TTLL6: variants seen among roughly 807,000 people sequenced by gnomAD.
The protein encoded by TTLL6 is tubulin tyrosine ligase like 6.
TTLL6 carries 75 observed loss-of-function variants against 96.4 expected under a neutral mutation model. That is an observed-to-expected ratio of 0.78 (90% CI 0.65 to 0.94). The LOEUF is 0.94. Among genes scored for constraint, TTLL6 ranks in the 40% least tolerant of loss-of-function variants. TTLL6 has a pLI of 0.00. For missense variants in TTLL6, 1,030 were observed against 1,093.0 expected, an observed-to-expected ratio of 0.94 and a Z score of 0.81; for synonymous variants, 411 against 419.4, an observed-to-expected ratio of 0.98 and a Z score of 0.24.
At chr17:48,772,746 A>G (rs1177533337) in intron 13 of TTLL6, among the ~76,000 whole-genome samples, 1 of 151,802 alleles carries the variant, frequency 6.6e-6, no homozygotes, top group Non-Finnish European at 1.5e-5. Flanking sequence ...AAAAAAAAAA[A>G]ATTAAAAGAA....
chr17:48,816,994 G>T lies in TTLL6; in HGVS notation c.79C>A (p.Arg27=), dbSNP rs201192910. The T allele has an allele frequency of 6.5e-7, 1 of 1,539,748 alleles. No homozygotes were observed. Among genetic ancestry groups the T allele is most frequent in the Non-Finnish European group, 8.7e-7 (1 of 1,144,400 alleles). The change falls in exon 1 of 16, where the codon CGA becomes AGA. Residue 27 remains arginine (R), a synonymous_variant. Transcript: ENST00000393382. ...VASWTSSPAG[R]DGGVGIAGAW... is the part of the protein sequence containing the mutation. ...CCCGCAATTCCTACTCCCCCGTCTCGCCCCGCTGGGCTGCTAGTCCAGCTT... is the reference window on the plus strand; with the variant it reads ...CCCGCAATTCCTACTCCCCCGTCTCTCCCCGCTGGGCTGCTAGTCCAGCTT...
intron 4 of TTLL6, 32 bp downstream of exon 4, chr17:48,801,493 C>A: frequency 4.5e-6 from 7 of 1,551,324 alleles, no homozygotes; most frequent in Non-Finnish European, 6.1e-6. Context: ...AGATGGCACA[C>A]TTAAACCAAG....
At position 48,785,221 on chromosome 17, in the gene TTLL6, C is replaced by T; in HGVS notation, c.1762-20G>A. On this transcript the variant is annotated intron_variant, in intron 12 of 15. Coordinates refer to ENST00000393382, the MANE Select transcript of TTLL6 (RefSeq NM_001130918.3). ...GATGTACTGAGGGAGGAAGAAACCA[C>T]AACACACAGCCATGGGAACCCAGCT... The T allele has an allele frequency of 5.0e-6, 8 of 1,613,894 alleles. No individual in the cohort carries two copies. The highest frequency in any genetic ancestry group is 5.9e-6 in the Non-Finnish European group (7 of 1,179,986).
At chr17:48,801,210 T>C in intron 5 of TTLL6, 45 bp downstream of exon 5, 1 of 1,520,384 alleles carries the variant, frequency 6.6e-7, no homozygotes, top group Non-Finnish European at 8.9e-7. Context: ...GAAATGTAAA[T>C]GGGGAGGGGA....
chr17:48,813,171 C>A (rs1369372102), intron 1 of TTLL6, among the ~76,000 whole-genome samples: 1 of 152,184 alleles, frequency 6.6e-6, no homozygotes, highest in Non-Finnish European at 1.5e-5. Flanking sequence ...GCCTTTTCCT[C>A]TCGGCAGGCC....
intron 13 of TTLL6, among the ~76,000 whole-genome samples, chr17:48,776,446 C>T (rs183940289): frequency 2.1e-4 from 32 of 152,138 alleles, no homozygotes; most frequent in Admixed American, 1.2e-3. Context: ...GGTGACAGAG[C>T]GAGACTCTGT....
Position 48,790,970 on chromosome 17 carries a change from C to G in TTLL6, c.1224+408G>C, listed in dbSNP as rs553401308. On this transcript the variant is annotated intron_variant, in intron 9 of 15. Coordinates refer to ENST00000393382, the MANE Select transcript of TTLL6 (RefSeq NM_001130918.3). ...CGGTGGCAGCAGGCCCCAGGACGCT[C>G]TCTGCTGGTGTGTGTGAACTGAGTA... is the stretch of plus-strand genomic sequence containing the variant. Among the ~76,000 whole-genome samples, 15 of 152,260 alleles carry G rather than the reference C, an allele frequency of 9.9e-5. No homozygotes were observed. In the South Asian group the frequency reaches 3.1e-3, roughly 32 times the overall value.
chr17:48,769,991 G>A lies in TTLL6; in HGVS notation c.2147C>T (p.Pro716Leu), dbSNP rs2038705262. ...AVTASSEYSG[P>L]ETDRVVSFKC... ...AAAGGATACCACCCTGTCCGTCTCT[G>A]GGCCACTGTACTCAGAGCTGGCGGT... Residue 716 changes from proline (P) to leucine (L), a missense_variant, in exon 14 of 16, where the codon CCA becomes CTA. Transcript: ENST00000393382. 6.2e-7 allele frequency: 1 copy of A among 1,614,008 alleles called. No individual in the cohort carries two copies. The highest frequency in any genetic ancestry group is 1.3e-5 in the African/African-American group (1 of 74,882).
At chr17:48,810,821 GTGTGTATATATATATATA>G (rs1567738260) in intron 1 of TTLL6, among the ~76,000 whole-genome samples, 16 of 51,610 alleles carry the variant, frequency 3.1e-4, no homozygotes, top group African/African-American at 1.5e-3. Flanking sequence ...TATAGTATGT[GTGTGTATATATATATATA>G]TATATATATA....
At chr17:48,790,236 G>T (rs967776675) in intron 9 of TTLL6, 130 bp from the exon 10 acceptor site, 59 of 949,860 alleles carry the variant, frequency 6.2e-5, no homozygotes, top group Non-Finnish European at 8.9e-5. Context: ...TGAAAGGGAG[G>T]GGAGAGAGCA....
chr17:48,783,199 A>T (rs2039021243), intron 13 of TTLL6, among the ~76,000 whole-genome samples: 1 of 152,088 alleles, frequency 6.6e-6, no homozygotes, highest in African/African-American at 2.4e-5. Flanking sequence ...GGCTATGGTG[A>T]AAAATTTTGA....
intron 1 of TTLL6, among the ~76,000 whole-genome samples, chr17:48,807,836 GTTTTGT>G: frequency 6.6e-6 from 1 of 151,596 alleles, no homozygotes; most frequent in African/African-American, 2.4e-5. Context: ...TGTTTGTTTT[GTTTTGT>G]TTTTGTTTTT....
At chr17:48,783,320 AAC>A (rs1297735649) in intron 13 of TTLL6, among the ~76,000 whole-genome samples, 2 of 152,158 alleles carry the variant, frequency 1.3e-5, no homozygotes, top group Non-Finnish European at 2.9e-5. Flanking sequence ...CAGTGGGAGG[AAC>A]ACAAAGAGAT....
intron 5 of TTLL6, among the ~76,000 whole-genome samples, 157 bp downstream of exon 5, chr17:48,801,098 C>A (rs1003236941): frequency 3.9e-5 from 6 of 152,190 alleles, no homozygotes; most frequent in African/African-American, 9.7e-5. Flanking sequence ...GTTTTCTCAA[C>A]CTTGGACACA....
At chr17:48,787,738 A>G in intron 11 of TTLL6, 73 bp downstream of exon 11, 2 of 1,460,820 alleles carry the variant, frequency 1.4e-6, no homozygotes, top group Non-Finnish European at 1.9e-6. Flanking sequence ...CTGCCACTCC[A>G]GGCCAGTCAG....
chr17:48,785,081 A>C lies in TTLL6; in HGVS notation c.1882T>G (p.Ser628Ala). ...GCAGACGTCAGCTTGGGGAAAACAG[A>C]GCTGGCCTCCTCCGTGGGAGCCTCC... is the stretch of plus-strand genomic sequence containing the variant. ...NQEAPTEEAS[S>A]VFPKLTSAKP... The change falls in exon 13 of 16, where the codon TCT (serine) becomes GCT (alanine). Residue 628 changes from serine (S) to alanine (A), a missense_variant. Ser to Ala is a moderately conservative substitution (Grantham distance 99, BLOSUM62 1). Coordinates refer to ENST00000393382, the MANE Select transcript of TTLL6 (RefSeq NM_001130918.3). 6.2e-7 allele frequency: 1 copy of C among 1,614,112 alleles called. No individual in the cohort carries two copies. The highest frequency in any genetic ancestry group is 8.5e-7 in the Non-Finnish European group (1 of 1,180,008).
At chr17:48,798,396 G>A (rs920599749) in intron 6 of TTLL6, among the ~76,000 whole-genome samples, 3 of 152,018 alleles carry the variant, frequency 2.0e-5, no homozygotes, top group South Asian at 2.1e-4. Context: ...GTGAAACCCC[G>A]TCTCTACTAA....
At position 48,804,924 on chromosome 17, in the gene TTLL6, G is replaced by T. The variant is rs2039483771; in HGVS notation, c.171C>A (p.Ser57Arg). 6.5e-7 allele frequency: 1 copy of T among 1,549,188 alleles called. No homozygotes were observed. Among genetic ancestry groups the T allele is most frequent in the Non-Finnish European group, 8.7e-7 (1 of 1,144,680 alleles). ...REMPQCPTLE[S>R]QEGENSEEKG... The stretch of plus-strand genomic sequence containing the variant: ...TCTCTTCGGAGTTTTCCCCTTCCTG[G>T]CTTTCCAAAGTCGGGCACTGTGGCA... The change falls in exon 2 of 16, where the codon AGC becomes AGA. Residue 57 changes from serine to arginine, a missense_variant. Coordinates refer to ENST00000393382, the MANE Select transcript of TTLL6 (RefSeq NM_001130918.3).
At chr17:48,784,816 G>T in intron 13 of TTLL6, 107 bp downstream of exon 13, 1 of 880,604 alleles carries the variant, frequency 1.1e-6, no homozygotes, top group Non-Finnish European at 1.8e-6. Flanking sequence ...CCAAGGCCCA[G>T]GGAGGCTCAG....
Sources: gnomAD v4.1 joint callset for allele counts (sites outside exome capture counted in the v4.1 genomes callset) on GRCh38, gnomAD v4.1.1 for gene constraint, MANE v1.5 for transcripts, NCBI Gene and HGNC (gene_info 2026-07-23, HGNC 2026-07-21) for gene names.